The following PKP3 variants were observed in gnomAD, a reference collection of about 807,000 sequenced individuals.
The protein encoded by PKP3 is plakophilin-3.
A neutral mutation model predicts 76.5 loss-of-function variants in PKP3; 66 were observed. The ratio of observed to expected loss-of-function variants is 0.86; its 90% CI spans 0.71 to 1.06. The LOEUF (loss-of-function observed/expected upper bound fraction) is 1.06. PKP3 is among the 50% of genes least tolerant of loss of function. The pLI is 0.00. For synonymous variants in PKP3, 638 were observed against 516.5 expected, an observed-to-expected ratio of 1.24 and a Z score of -3.19; for missense variants, 1,338 against 1,141.0, an observed-to-expected ratio of 1.17 and a Z score of -2.49.
intron 4 of PKP3, chr11:397,921 GTACCCCCACATATACCTCATCACCTCCA>G (rs1847078619): frequency 1.5e-4 from 46 of 300,178 alleles, no homozygotes; most frequent in South Asian, 6.2e-4. Context: ...CGTCACCTCC[GTACCCCCACATATACCTCATCACCTCCA>G]TACCCCCGCA....
intron 4 of PKP3, chr11:397,868 C>A (rs1174161881): frequency 6.9e-6 from 4 of 581,826 alleles, no homozygotes; most frequent in East Asian, 5.8e-5. Context: ...ACCTCCGTAC[C>A]CCCACATATA....
intron 10 of PKP3, 71 bp from the exon 11 acceptor site, chr11:403,872 G>T: frequency 1.3e-6 from 2 of 1,565,928 alleles, no homozygotes; most frequent in African/African-American, 1.3e-5. Context: ...AGCTCCCTGG[G>T]GGAGGCAGGG....
chr11:394,452 C>A lies in PKP3; in HGVS notation c.160C>A (p.Leu54Ile). The A allele has an allele frequency of 6.9e-7, 1 of 1,450,396 alleles. No homozygotes were observed. 89.8% of individuals were successfully genotyped at this position (1,450,396 alleles called of 1,614,324 possible). Residue 54 changes from leucine (L) to isoleucine (I), a missense_variant, in exon 1 of 13, where the codon CTC becomes ATC. Physicochemically the swap from Leu to Ile is conservative, Grantham distance 5. Transcript: ENST00000331563. Reference protein sequence around the residue: ...ARVQEQVRARLLQLGQQPRHN... With the variant: ...ARVQEQVRARILQLGQQPRHN... The stretch of plus-strand genomic sequence containing the variant: ...CGTCCAGGAGCAGGTCCGCGCCCGC[C>A]TCTTGCAGCTGGGACAGCAGCCGCG...
In PKP3 at chr11:404,830, GC is replaced by G; in HGVS notation, c.*262del. 2 of 541,150 alleles carry G rather than the reference GC, an allele frequency of 3.7e-6. No homozygotes were observed. The highest frequency in any genetic ancestry group is 4.2e-5 in the South Asian group (2 of 47,416). The allele number at this position is 541,150 out of a possible 1,614,324, so 33.5% of individuals were successfully genotyped here. ...ATGGGGTGGTGACCCAGTCACATTG[GC>G]AGAGGTGGGGGTTGGCTGTGGCCTG... On this transcript the variant is annotated 3_prime_UTR_variant, in exon 13 of 13. Coordinates refer to ENST00000331563, the MANE Select transcript of PKP3 (RefSeq NM_007183.4). The surrounding 1 kb of genome is among the most constrained non-coding windows in gnomAD (Gnocchi z 4.2).
intron 2 of PKP3, 53 bp downstream of exon 2, chr11:396,740 A>G (rs1162996931): frequency 6.3e-7 from 1 of 1,579,906 alleles, no homozygotes; most frequent in Non-Finnish European, 8.6e-7. Flanking sequence ...CAGTCTGGAG[A>G]GTGGGAGGCT....
At position 403,701 on chromosome 11, in the gene PKP3, C is replaced by T. The variant is rs1398165997; in HGVS notation, c.2007C>T (p.His669=). Residue 669 remains histidine, a synonymous_variant, in exon 10 of 13, where the codon CAC becomes CAT. Transcript: ENST00000331563. ...TAGACCGTGTCAGGACCGCCGACCA[C>T]CACCAGCTGCGCTCACTGACTGGCC... The part of the protein sequence containing the change: ...PLLDRVRTAD[H]HQLRSLTGLI... 6.2e-7 allele frequency: 1 copy of T among 1,610,408 alleles called. No individual in the cohort carries two copies. The highest frequency in any genetic ancestry group is 2.2e-5 in the East Asian group (1 of 44,866).
Position 400,614 on chromosome 11 carries a change from G to A in PKP3, c.1646G>A (p.Arg549Gln), listed in dbSNP as rs1564881129. Residue 549 changes from arginine to glutamine, a missense_variant, in exon 8 of 13, where the codon CGG becomes CAG. Transcript: ENST00000331563. ...GAGATGCCGCCGTCCGCGCTGCAGC[G>A]GCTGGAGGGTCGCGGCCGCAGGGAC... ...YDEMPPSALQ[R>Q]LEGRGRRDLA... 21 of 1,436,102 alleles carry A rather than the reference G, an allele frequency of 1.5e-5. No individual in the cohort carries two copies. The highest frequency in any genetic ancestry group is 2.9e-5 in the East Asian group (1 of 34,410). 89.0% of individuals were successfully genotyped at this position (1,436,102 alleles called of 1,614,324 possible). A position where few individuals can be genotyped will look rare whatever the true frequency, so the allele number is the denominator to read the frequency against.
chr11:403,415 T>TGGGCCTC, intron 9 of PKP3, 152 bp downstream of exon 9: 6 of 840,016 alleles, frequency 7.1e-6, no homozygotes, highest in Non-Finnish European at 1.1e-5. Context: ...CCTTGGGCCT[T>TGGGCCTC]GGGAGGATGG....
At chr11:400,507 C>T (rs1284080134) in intron 7 of PKP3, 28 bp from the exon 8 acceptor site, 2 of 1,488,926 alleles carry the variant, frequency 1.3e-6, no homozygotes, top group Non-Finnish European at 1.8e-6. Flanking sequence ...CTCTGACCCG[C>T]GCCCCTGCCC....
In PKP3 at chr11:394,228, A is replaced by T; in HGVS notation, c.-65A>T. ...GACTTCAGGGAGAGGGCCTCGAGGG[A>T]CAGGACGTGAAGATAGTTGGGTTTG... On this transcript the variant is annotated 5_prime_UTR_variant, in exon 1 of 13. Transcript: ENST00000331563. The T allele has an allele frequency of 7.0e-7, 1 of 1,420,120 alleles. No homozygotes were observed. The highest frequency in any genetic ancestry group is 2.9e-5 in the Admixed American group (1 of 34,764). 88.0% of individuals were successfully genotyped at this position (1,420,120 alleles called of 1,614,324 possible).
upstream of PKP3, chr11:394,176 G>A (rs969933384): frequency 1.1e-5 from 15 of 1,358,404 alleles, no homozygotes; most frequent in East Asian, 3.2e-5. Context: ...GTCTTCAGGC[G>A]GCTCTGGGTG....
Position 403,764 on chromosome 11 carries a change from C to T in PKP3, c.2070C>T (p.Asp690=), listed in dbSNP as rs113114984. The change falls in exon 10 of 13, where the codon GAC becomes GAT. Residue 690 remains aspartate (D), a synonymous_variant. Transcript: ENST00000331563. ...RNLSRNARNK[D]EMSTKVVSHL... Reference sequence around the variant, plus strand: ...TGTCTCGGAACGCTAGGAACAAGGACGAGATGTGTGAGTCGGGCAGCCCCT... The same window carrying T: ...TGTCTCGGAACGCTAGGAACAAGGATGAGATGTGTGAGTCGGGCAGCCCCT... 35,262 of 1,606,632 alleles carry T rather than the reference C, an allele frequency of 0.022. 539 individuals are homozygous for T. The highest frequency in any genetic ancestry group is 0.055 in the East Asian group (2,459 of 44,866).
chr11:400,613 C>T lies in PKP3; in HGVS notation c.1645C>T (p.Arg549Trp), dbSNP rs765233755. The change falls in exon 8 of 13, where the codon CGG becomes TGG. Residue 549 changes from arginine to tryptophan, a missense_variant. Coordinates refer to ENST00000331563, the MANE Select transcript of PKP3 (RefSeq NM_007183.4). ...CGAGATGCCGCCGTCCGCGCTGCAG[C>T]GGCTGGAGGGTCGCGGCCGCAGGGA... ...YDEMPPSALQ[R>W]LEGRGRRDLA... 7 of 1,438,010 alleles carry T rather than the reference C, an allele frequency of 4.9e-6. No individual in the cohort carries two copies. In the South Asian group the frequency reaches 7.0e-5, roughly 14 times the overall value. The allele number at this position is 1,438,010 out of a possible 1,614,324, so 89.1% of individuals were successfully genotyped here.
chr11:400,526 C>T lies in PKP3; in HGVS notation c.1567-9C>T, dbSNP rs567329930. Reference sequence around the variant, plus strand: ...GACCCGCGCCCCTGCCCCGCGCCCCCGCCCGCAGAGCGTGGAGAACGCGGT... The same window carrying T: ...GACCCGCGCCCCTGCCCCGCGCCCCTGCCCGCAGAGCGTGGAGAACGCGGT... On this transcript the variant is annotated splice_polypyrimidine_tract_variant and intron_variant, in intron 7 of 12. Coordinates refer to ENST00000331563, the MANE Select transcript of PKP3 (RefSeq NM_007183.4). 3.2e-3 allele frequency: 4,766 copies of T among 1,490,832 alleles called. 9 individuals are homozygous for T. Among genetic ancestry groups the T allele is most frequent in the Non-Finnish European group, 4.0e-3 (4,549 of 1,126,988 alleles). The allele number at this position is 1,490,832 out of a possible 1,614,324, so 92.4% of individuals were successfully genotyped here.
intron 7 of PKP3, 34 bp downstream of exon 7, chr11:400,485 C>A (rs1425086502): frequency 6.6e-7 from 1 of 1,515,096 alleles, no homozygotes; most frequent in African/African-American, 1.4e-5. Flanking sequence ...GGGCCGTGCC[C>A]CCGGGCCGCC....
chr11:400,430 C>A lies in PKP3; in HGVS notation c.1545C>A (p.Asp515Glu). ...ALVTSINHALDAGKCEDKSVE... is the reference protein window; with the variant it reads ...ALVTSINHALEAGKCEDKSVE... ...TCACCTCTATCAACCACGCCCTGGA[C>A]GCGGGCAAATGCGAGGACAAGGTGA... is the stretch of plus-strand genomic sequence containing the variant. Residue 515 changes from aspartate (D) to glutamate (E), a missense_variant, in exon 7 of 13, where the codon GAC becomes GAA. Coordinates refer to ENST00000331563, the MANE Select transcript of PKP3 (RefSeq NM_007183.4). 6.5e-7 allele frequency: 1 copy of A among 1,547,356 alleles called. No individual in the cohort carries two copies.
intron 6 of PKP3, 37 bp downstream of exon 6, chr11:400,178 G>A: frequency 6.7e-7 from 1 of 1,491,702 alleles, no homozygotes; most frequent in Non-Finnish European, 8.9e-7. Context: ...GGGATTGCAG[G>A]CGCGGGTCAC....
intron 6 of PKP3, 63 bp from the exon 7 acceptor site, chr11:400,271 T>C: frequency 2.1e-6 from 3 of 1,436,608 alleles, no homozygotes; most frequent in South Asian, 1.3e-5. Flanking sequence ...GGGCCCACGA[T>C]GGGTTGGGGC....
intron 5 of PKP3, among the ~76,000 whole-genome samples, 176 bp downstream of exon 5, chr11:399,372 C>A (rs1270296849): frequency 3.0e-5 from 1 of 33,512 alleles, no homozygotes; most frequent in Non-Finnish European, 5.1e-5. Context: ...CCTTACCCCC[C>A]CACCTGCCCG....
Sources: gnomAD v4.1 joint callset for allele counts (sites outside exome capture counted in the v4.1 genomes callset) on GRCh38, gnomAD v4.1.1 for gene constraint, Gnocchi (gnomAD v3.1) non-coding constraint, MANE v1.5 for transcripts, NCBI Gene and HGNC (gene_info 2026-07-23, HGNC 2026-07-21) for gene names.